Variants in SRD5A2 observed in about 807,000 individuals in gnomAD.
SRD5A2 encodes the protein 3-oxo-5-alpha-steroid 4-dehydrogenase 2.
SRD5A2 carries 30 observed loss-of-function variants against 27.4 expected under a neutral mutation model. The ratio of observed to expected loss-of-function variants is 1.10; its 90% CI spans 0.82 to 1.49. The LOEUF is 1.49. Ranked by LOEUF, SRD5A2 falls within the 40% of genes most tolerant of loss-of-function variation. The probability of loss-of-function intolerance (pLI) is 0.00; values close to 1 mark genes in which losing one functional copy is unlikely to be tolerated. For missense variants in SRD5A2, 348 were observed against 323.4 expected, an observed-to-expected ratio of 1.08 and a Z score of -0.58; for synonymous variants, 141 against 133.6, an observed-to-expected ratio of 1.06 and a Z score of -0.38.
At chr2:31,541,896 C>A (rs1558360938) in intron 1 of SRD5A2, among the ~76,000 whole-genome samples, 1 of 152,146 alleles carries the variant, frequency 6.6e-6, no homozygotes. Flanking sequence ...ATAGATCAGC[C>A]CTAGCCAGAG....
chr2:31,651,878 A>G, the SRD5A2 span: 1 of 152,512 alleles, frequency 6.6e-6, no homozygotes, highest in Non-Finnish European at 1.5e-5. Flanking sequence ...TAAGAGAAGT[A>G]TATGAGTCCC....
Position 31,529,310 on chromosome 2 carries a change from T to G in SRD5A2, c.695A>C (p.His232Pro). 1.9e-6 allele frequency: 3 copies of G among 1,613,778 alleles called. No individual in the cohort carries two copies. Among genetic ancestry groups the G allele is most frequent in the Non-Finnish European group, 2.5e-6 (3 of 1,179,794 alleles). The stretch of plus-strand genomic sequence containing the variant: ...CCGCTTTTATTGAAAAATTTACCTA[T>G]GGTGGTGAAAAGCTCGCAGCCCAAG... The part of the protein sequence containing the change: ...CFLGLRAFHH[H>P]RFYLKMFEDY... The change falls in exon 4 of 5, where the codon CAT becomes CCT. Residue 232 changes from histidine (H) to proline (P), a missense_variant. By Grantham distance (77) the His-to-Pro change is moderately conservative. Transcript: ENST00000622030.
At chr2:31,626,321 C>T in the SRD5A2 span, among the ~76,000 whole-genome samples, 1 of 152,060 alleles carries the variant, frequency 6.6e-6, no homozygotes, top group Non-Finnish European at 1.5e-5. Context: ...AATTTGACTT[C>T]CTGTTTTCCT....
At chr2:31,638,667 T>C in the SRD5A2 span, among the ~76,000 whole-genome samples, 2 of 152,078 alleles carry the variant, frequency 1.3e-5, no homozygotes, top group Non-Finnish European at 2.9e-5. Flanking sequence ...GCTTTATAAC[T>C]GGATAGTGAC....
At chr2:31,596,939 A>C in the SRD5A2 span, among the ~76,000 whole-genome samples, 7 of 152,164 alleles carry the variant, frequency 4.6e-5, no homozygotes, top group Non-Finnish European at 1.0e-4. Context: ...CTACAAATTC[A>C]ATGAAATTCC....
At chr2:31,612,163 C>A in the SRD5A2 span, among the ~76,000 whole-genome samples, 1 of 151,932 alleles carries the variant, frequency 6.6e-6, no homozygotes, top group Non-Finnish European at 1.5e-5. Flanking sequence ...TGCCTGCAGT[C>A]CCAGTTACAT....
chr2:31,533,760 A>C lies in SRD5A2; in HGVS notation c.288T>G (p.Phe96Leu), dbSNP rs562449429. The change falls in exon 2 of 5, where the codon TTT becomes TTG. Residue 96 changes from phenylalanine to leucine, a missense_variant. Phe to Leu is a conservative substitution (Grantham distance 22). Coordinates refer to ENST00000622030, the MANE Select transcript of SRD5A2 (RefSeq NM_000348.4). ...TCCCTCGATTGAGCAGTGAGTACAC[A>C]AATGTCCTGGGACACACAGGGAGGA... ...LFCLHYFHRT[F>L]VYSLLNRGRP... The C allele has an allele frequency of 9.4e-6, 15 of 1,602,972 alleles. No homozygotes were observed. The East Asian group carries it at 3.1e-4, about 34-fold the overall frequency.
At chr2:31,567,093 G>A (rs968603823) in intron 1 of SRD5A2, among the ~76,000 whole-genome samples, 3 of 152,024 alleles carry the variant, frequency 2.0e-5, no homozygotes, top group Non-Finnish European at 2.9e-5. Context: ...TAATCATATT[G>A]ATTACAATCA....
chr2:31,533,120 G>T (rs1436096521), intron 2 of SRD5A2, among the ~76,000 whole-genome samples: 3 of 152,110 alleles, frequency 2.0e-5, no homozygotes, highest in African/African-American at 7.2e-5. Context: ...TATATGTGTA[G>T]CCCAAGGCAA....
the SRD5A2 span, among the ~76,000 whole-genome samples, chr2:31,617,335 C>T: frequency 6.6e-6 from 1 of 152,038 alleles, no homozygotes; most frequent in African/African-American, 2.4e-5. Context: ...GGAGGGGGCC[C>T]CTGGGTCCAG....
At chr2:31,597,329 G>A in the SRD5A2 span, among the ~76,000 whole-genome samples, 1 of 151,622 alleles carries the variant, frequency 6.6e-6, no homozygotes, top group African/African-American at 2.4e-5. Flanking sequence ...ACTGAAGATG[G>A]ATCAAAAACT....
At chr2:31,654,017 G>A in the SRD5A2 span, among the ~76,000 whole-genome samples, 1 of 151,912 alleles carries the variant, frequency 6.6e-6, no homozygotes, top group Admixed American at 6.6e-5. Flanking sequence ...ATATGTATAG[G>A]GGTTGCCAAA....
At chr2:31,571,090 C>A (rs748173081) in intron 1 of SRD5A2, among the ~76,000 whole-genome samples, 3 of 152,060 alleles carry the variant, frequency 2.0e-5, no homozygotes, top group Non-Finnish European at 4.4e-5. Flanking sequence ...AAGAACAAAG[C>A]TGGAGGCACC....
the SRD5A2 span, among the ~76,000 whole-genome samples, chr2:31,661,685 A>C: frequency 6.6e-6 from 1 of 152,146 alleles, no homozygotes; most frequent in Non-Finnish European, 1.5e-5. Flanking sequence ...GGGATTCTCC[A>C]AGACTCTTGG....
chr2:31,589,415 G>C, the SRD5A2 span, among the ~76,000 whole-genome samples: 7 of 152,224 alleles, frequency 4.6e-5, no homozygotes, highest in East Asian at 1.4e-3. Context: ...TCTCTAGTGA[G>C]GGCAGGAAGG....
the SRD5A2 span, among the ~76,000 whole-genome samples, chr2:31,655,490 A>C: frequency 6.6e-6 from 1 of 152,224 alleles, no homozygotes; most frequent in Non-Finnish European, 1.5e-5. Flanking sequence ...CTGAGCAAGC[A>C]CATCATGGTT....
chr2:31,633,650 C>G, the SRD5A2 span, among the ~76,000 whole-genome samples: 1 of 152,174 alleles, frequency 6.6e-6, no homozygotes, highest in Non-Finnish European at 1.5e-5. Flanking sequence ...CTCAACTGCA[C>G]AACCCCTACT....
At chr2:31,611,403 T>C in the SRD5A2 span, among the ~76,000 whole-genome samples, 3 of 152,176 alleles carry the variant, frequency 2.0e-5, no homozygotes, top group African/African-American at 7.2e-5. Flanking sequence ...AGAAACTGAA[T>C]TGATAATCCA....
At chr2:31,531,308 T>G in intron 3 of SRD5A2, 63 bp downstream of exon 3, 1 of 1,225,810 alleles carries the variant, frequency 8.2e-7, no homozygotes, top group Non-Finnish European at 1.2e-6. Context: ...TCTGCTACCA[T>G]AGCATCATCC....
Sources: allele counts gnomAD v4.1 joint callset (sites outside exome capture counted in the v4.1 genomes callset), GRCh38; gene constraint gnomAD v4.1.1; transcripts MANE v1.5; gene names NCBI Gene and HGNC (gene_info 2026-07-23, HGNC 2026-07-21).